HECW1: variants seen among roughly 807,000 people sequenced by gnomAD.
HECW1 encodes the protein E3 ubiquitin-protein ligase HECW1.
In HECW1, 61 loss-of-function variants were observed where a neutral mutation model predicts 182.3. The ratio of observed to expected loss-of-function variants is 0.33; its 90% confidence interval spans 0.27 to 0.41. The LOEUF is 0.41. Ranked by LOEUF, HECW1 falls within the 10% of genes least tolerant of loss-of-function variation. The pLI is 1.00. For synonymous variants in HECW1, 859 were observed against 832.6 expected (o/e 1.03, Z -0.55); for missense variants, 1,739 against 2,108.9 (o/e 0.82, Z 3.44).
chr7:43,209,667 A>T (rs918774367), intron 2 of HECW1, among the ~76,000 whole-genome samples: 1 of 152,230 alleles, frequency 6.6e-6, no homozygotes, highest in African/African-American at 2.4e-5. Flanking sequence ...GGAGACGTAC[A>T]GATGCGAAGC....
intron 17 of HECW1, among the ~76,000 whole-genome samples, chr7:43,486,116 T>G (rs1443148236): frequency 6.6e-6 from 1 of 152,164 alleles, no homozygotes; most frequent in African/African-American, 2.4e-5. Context: ...GTGTTTGATT[T>G]TCTCTTCTTG....
chr7:43,331,873 A>G (rs2152791750), intron 5 of HECW1, among the ~76,000 whole-genome samples: 1 of 152,258 alleles, frequency 6.6e-6, no homozygotes, highest in Admixed American at 6.5e-5. Flanking sequence ...AGCCCATGGG[A>G]ATGTCAGAGA....
chr7:43,491,094 A>T (rs1031835188), intron 17 of HECW1, among the ~76,000 whole-genome samples: 1 of 152,212 alleles, frequency 6.6e-6, no homozygotes. Flanking sequence ...CACAAGTATC[A>T]ACTTTAGGCT....
intron 5 of HECW1, among the ~76,000 whole-genome samples, chr7:43,335,911 C>CTT (rs143490390): frequency 0.48 from 71,226 of 148,382 alleles, 17,302 homozygotes; most frequent in African/African-American, 0.54. Context: ...CTGTCTTTAT[C>CTT]TCTTTCTCTC....
chr7:43,221,746 G>T (rs995881874), intron 2 of HECW1, among the ~76,000 whole-genome samples: 2 of 151,472 alleles, frequency 1.3e-5, no homozygotes, highest in Non-Finnish European at 2.9e-5. Flanking sequence ...GTAGAGACAG[G>T]GTTTCACCGT....
intron 3 of HECW1, among the ~76,000 whole-genome samples, chr7:43,257,246 G>A (rs370431004): frequency 3.3e-5 from 5 of 152,326 alleles, no homozygotes; most frequent in African/African-American, 1.2e-4. Flanking sequence ...GTAAATTTGG[G>A]AAACACCAAG....
At chr7:43,312,758 G>C (rs1187630954) in intron 4 of HECW1, among the ~76,000 whole-genome samples, 1 of 152,136 alleles carries the variant, frequency 6.6e-6, no homozygotes. Flanking sequence ...CCATTCCCAC[G>C]GATTGGTTTT....
At chr7:43,479,864 C>A in intron 17 of HECW1, 120 bp downstream of exon 17, 3 of 1,113,482 alleles carry the variant, frequency 2.7e-6, no homozygotes, top group East Asian at 4.8e-5. Context: ...AGAGATTAAG[C>A]CATATGCACC....
chr7:43,456,041 GGT>G (rs376054820), intron 12 of HECW1, among the ~76,000 whole-genome samples: 2 of 152,082 alleles, frequency 1.3e-5, no homozygotes, highest in African/African-American at 4.8e-5. Flanking sequence ...TTTTAACATA[GGT>G]GTTGATCAAG....
chr7:43,161,908 T>C (rs978488712), intron 2 of HECW1, among the ~76,000 whole-genome samples: 2 of 152,274 alleles, frequency 1.3e-5, no homozygotes, highest in African/African-American at 4.8e-5. Context: ...CCCATGAATG[T>C]CCTGGGGTGG....
At chr7:43,211,710 T>C (rs1184261273) in intron 2 of HECW1, among the ~76,000 whole-genome samples, 1 of 152,198 alleles carries the variant, frequency 6.6e-6, no homozygotes, top group Admixed American at 6.5e-5. Context: ...ATTTTGCCTG[T>C]GCATTACCCA....
chr7:43,565,576 A>ATTTTTT lies in HECW1; in HGVS notation c.*3652_*3653insTTTTTT, dbSNP rs1324871901. ...GTGGTGCTTTATTATTATTATTATT[A>ATTTTTT]TTATTTTTATTATTATTATTATTAC... On this transcript the variant is annotated 3_prime_UTR_variant, in exon 30 of 30. Coordinates refer to ENST00000395891, the MANE Select transcript of HECW1 (RefSeq NM_015052.5). 5.8e-4 allele frequency: 94 copies of ATTTTTT among 163,268 alleles called. No homozygotes were observed. The highest frequency in any genetic ancestry group is 2.4e-3 in the African/African-American group (89 of 37,518). 10.1% of individuals were successfully genotyped at this position (163,268 alleles called of 1,614,324 possible).
chr7:43,319,809 C>T (rs1300105714), intron 4 of HECW1, among the ~76,000 whole-genome samples: 1 of 121,548 alleles, frequency 8.2e-6, no homozygotes, highest in African/African-American at 3.8e-5. Flanking sequence ...GACAATGTTT[C>T]ACCATGTTGG....
chr7:43,163,443 G>A lies in HECW1; in HGVS notation c.-32+49052G>A, dbSNP rs550113535. Among the ~76,000 whole-genome samples, 11 of 152,292 alleles carry A rather than the reference G, an allele frequency of 7.2e-5. No homozygotes were observed. The South Asian group carries it at 1.7e-3, about 23-fold the overall frequency. On this transcript the variant is annotated intron_variant, in intron 2 of 29. Coordinates refer to ENST00000395891, the MANE Select transcript of HECW1 (RefSeq NM_015052.5). ...TGTTCTGTCCGGGGGGAGGTGCTGC[G>A]AAGACTGGGGAGATGGAGGCAGGCT...
intron 6 of HECW1, among the ~76,000 whole-genome samples, chr7:43,384,078 C>A (rs1320017140): frequency 6.6e-6 from 1 of 152,096 alleles, no homozygotes; most frequent in Non-Finnish European, 1.5e-5. Context: ...CAAGTTTTTT[C>A]AAATTGTTGC....
At chr7:43,349,386 T>C (rs141605521) in intron 5 of HECW1, among the ~76,000 whole-genome samples, 8,061 of 152,298 alleles carry the variant, frequency 0.053, 294 homozygotes, top group South Asian at 0.11. Flanking sequence ...TTCCAAGGTA[T>C]AGTTTAAGTC....
chr7:43,396,620 CT>C, intron 6 of HECW1, 193 bp from the exon 7 acceptor site: 1 of 499,612 alleles, frequency 2.0e-6, no homozygotes, highest in South Asian at 2.8e-5. Flanking sequence ...ATCACCCCCA[CT>C]AGCAGATCCT....
chr7:43,552,288 G>A lies in HECW1; in HGVS notation c.4462G>A (p.Ala1488Thr), dbSNP rs758768640. ...GCTGGAGCTGGTGATAGCTGGCACC[G>A]CGGAAATCGACCTAAATGACTGGCG... ...RELELVIAGT[A>T]EIDLNDWRNN... Residue 1488 changes from alanine (A) to threonine (T), a missense_variant, in exon 28 of 30, where the codon GCG (alanine) becomes ACG (threonine). This residue lies in a region of HECW1 where 420 missense variants were observed against 595.7 expected (regional missense o/e 0.71). Coordinates refer to ENST00000395891, the MANE Select transcript of HECW1 (RefSeq NM_015052.5). 6 of 1,614,020 alleles carry A rather than the reference G, an allele frequency of 3.7e-6. No homozygotes were observed. The highest frequency in any genetic ancestry group is 4.5e-5 in the East Asian group (2 of 44,880).
chr7:43,444,117 T>C lies in HECW1; in HGVS notation c.1046-101T>C. 4.2e-6 allele frequency: 5 copies of C among 1,197,734 alleles called. No homozygotes were observed. The highest frequency in any genetic ancestry group is 5.8e-6 in the Non-Finnish European group (5 of 859,342). The allele number at this position is 1,197,734 out of a possible 1,614,324, so 74.2% of individuals were successfully genotyped here. A position where few individuals can be genotyped will look rare whatever the true frequency, so the allele number is the denominator to read the frequency against. On this transcript the variant is annotated intron_variant, in intron 10 of 29. Transcript: ENST00000395891. This position sits in a 1 kb window ranked among gnomAD's most constrained non-coding sequence, Gnocchi z 4.3. Reference sequence around the variant, plus strand: ...CATCAACCTACATTCAATATCCTAATGTAGAAATCCCTTAGTGATGGCTTA... The same window carrying C: ...CATCAACCTACATTCAATATCCTAACGTAGAAATCCCTTAGTGATGGCTTA...
Sources: gnomAD v4.1 joint callset for allele counts (sites outside exome capture counted in the v4.1 genomes callset) on GRCh38, gnomAD v4.1.1 for gene constraint, gnomAD v4.1.1 regional missense constraint, Gnocchi (gnomAD v3.1) non-coding constraint, MANE v1.5 for transcripts, NCBI Gene and HGNC (gene_info 2026-07-23, HGNC 2026-07-21) for gene names.